PCM1: variants seen among roughly 807,000 people sequenced by gnomAD.
PCM1 encodes the protein pericentriolar material 1.
In PCM1, 157 loss-of-function variants were observed where a neutral mutation model predicts 241.9. The ratio of observed to expected loss-of-function variants is 0.65; its 90% CI spans 0.57 to 0.74. The LOEUF (loss-of-function observed/expected upper bound fraction) is 0.74. Ranked by LOEUF, PCM1 falls within the 30% of genes least tolerant of loss-of-function variation. The pLI is 0.00. For missense variants in PCM1, 3,478 were observed against 2,360.1 expected, an observed-to-expected ratio of 1.47 and a Z score of -9.81; for synonymous variants, 1,085 against 784.9, an observed-to-expected ratio of 1.38 and a Z score of -6.39.
At chr8:18,022,965 C>T (rs752966236) in intron 36 of PCM1, among the ~76,000 whole-genome samples, 1 of 152,108 alleles carries the variant, frequency 6.6e-6, no homozygotes, top group South Asian at 2.1e-4. Flanking sequence ...GGCGATGGTA[C>T]CCATGTGTAA....
Position 17,991,671 on chromosome 8 carries a change from G to T in PCM1, c.4661G>T (p.Gly1554Val). 1 of 1,558,036 alleles carries T rather than the reference G, an allele frequency of 6.4e-7. No individual in the cohort carries two copies. Among genetic ancestry groups the T allele is most frequent in the South Asian group, 1.2e-5 (1 of 84,412 alleles). ...ATTATTGAGGATGGAGATGGTGCTG[G>T]TGCAGGTACTACAGTTAATAATTTA... Reference protein sequence around the residue: ...CRIIEDGDGAGAGTTVNNLEE... With the variant: ...CRIIEDGDGAVAGTTVNNLEE... Residue 1554 changes from glycine (G) to valine (V), a missense_variant, in exon 28 of 39, where the codon GGT becomes GTT. Gly to Val is a moderately radical substitution (Grantham distance 109, BLOSUM62 -3). Coordinates refer to ENST00000325083, the MANE Select transcript of PCM1 (RefSeq NM_006197.4).
At chr8:17,939,629 A>T in intron 5 of PCM1, 62 bp from the exon 6 acceptor site, 1 of 872,400 alleles carries the variant, frequency 1.1e-6, no homozygotes, top group African/African-American at 1.7e-5. Flanking sequence ...TGAACTAATT[A>T]TCCTTAGTTT....
intron 15 of PCM1, 109 bp from the exon 16 acceptor site, chr8:17,961,925 G>T: frequency 3.6e-6 from 3 of 822,718 alleles, no homozygotes; most frequent in Non-Finnish European, 5.5e-6. Context: ...TCTGATAGCA[G>T]ATTAAATATG....
chr8:18,010,764 C>T lies in PCM1; in HGVS notation c.5220+96C>T, dbSNP rs1270419114. ...TTGGGAGGCCAAGGCGGGTGGATCA[C>T]GAGGTCAAGATTTCCAGACCAGCCT... On this transcript the variant is annotated intron_variant, in intron 32 of 38. Coordinates refer to ENST00000325083, the MANE Select transcript of PCM1 (RefSeq NM_006197.4). 16 of 774,178 alleles carry T rather than the reference C, an allele frequency of 2.1e-5. No homozygotes were observed. The East Asian group carries it at 2.4e-4, about 12-fold the overall frequency. 48.0% of individuals were successfully genotyped at this position (774,178 alleles called of 1,614,324 possible). A position where few individuals can be genotyped will look rare whatever the true frequency, so the allele number is the denominator to read the frequency against.
chr8:17,936,223 T>C (rs538649297), intron 3 of PCM1, among the ~76,000 whole-genome samples: 177 of 152,326 alleles, frequency 1.2e-3, no homozygotes, highest in African/African-American at 3.5e-3. Flanking sequence ...GGATTAGATA[T>C]GTGTTTCTTT....
intron 23 of PCM1, 74 bp from the exon 24 acceptor site, chr8:17,980,517 C>T (rs539405530): frequency 1.8e-5 from 23 of 1,271,592 alleles, no homozygotes; most frequent in East Asian, 9.4e-5. Context: ...TGTACTGTTA[C>T]ACAATGGAAA....
chr8:18,012,223 C>T (rs2092620510), intron 34 of PCM1, among the ~76,000 whole-genome samples: 1 of 152,132 alleles, frequency 6.6e-6, no homozygotes, highest in South Asian at 2.1e-4. Flanking sequence ...CACACCGGCC[C>T]TCTCCTTCCT....
chr8:17,995,185 T>C (rs1463590009), intron 29 of PCM1, among the ~76,000 whole-genome samples: 1 of 151,486 alleles, frequency 6.6e-6, no homozygotes, highest in African/African-American at 2.5e-5. Context: ...CTTTAATCCA[T>C]TTTGATTTGA....
Position 17,966,041 on chromosome 8 carries a change from T to G in PCM1, c.2898T>G (p.Arg966=), listed in dbSNP as rs1263816659. ...NCPFSADENY[R]PLAKTRQQNI... is the part of the protein sequence containing the mutation. The stretch of plus-strand genomic sequence containing the variant: ...CTTTTTCGGCAGATGAAAATTATCG[T>G]CCTTTAGCCAAGACAAGGCAACAGA... The change falls in exon 19 of 39, where the codon CGT becomes CGG. Residue 966 remains arginine (R), a synonymous_variant. Coordinates refer to ENST00000325083, the MANE Select transcript of PCM1 (RefSeq NM_006197.4). 6.2e-7 allele frequency: 1 copy of G among 1,612,262 alleles called. No individual in the cohort carries two copies. The highest frequency in any genetic ancestry group is 1.3e-5 in the African/African-American group (1 of 74,886).
intron 36 of PCM1, among the ~76,000 whole-genome samples, chr8:18,018,815 A>T (rs888743318): frequency 1.4e-5 from 2 of 145,736 alleles, no homozygotes; most frequent in Admixed American, 6.9e-5. Flanking sequence ...GTCTCAAAAA[A>T]AAAAAAATAT....
At chr8:17,945,713 A>T (rs2063541021) in intron 6 of PCM1, among the ~76,000 whole-genome samples, 1 of 152,144 alleles carries the variant, frequency 6.6e-6, no homozygotes, top group Non-Finnish European at 1.5e-5. Flanking sequence ...CCCAGAAGGG[A>T]GTTTCTCTTG....
chr8:18,014,111 A>AAG (rs149815514), intron 35 of PCM1, 75 bp downstream of exon 35: 847 of 770,992 alleles, frequency 1.1e-3, no homozygotes, highest in East Asian at 3.7e-3. Context: ...AAAAAAAAAA[A>AAG]CACACACAGA....
chr8:17,943,715 TTTC>T (rs564665322), intron 6 of PCM1, among the ~76,000 whole-genome samples: 8 of 152,204 alleles, frequency 5.3e-5, no homozygotes, highest in Non-Finnish European at 1.2e-4. Flanking sequence ...AACATTTTAA[TTTC>T]TTCAGGGGAA....
In PCM1 at chr8:18,009,683, T is replaced by TTA. The variant is rs2092150205; in HGVS notation, c.5100_5101dup (p.Lys1701IlefsTer9). 6.5e-7 allele frequency: 1 copy of TTA among 1,539,342 alleles called. No homozygotes were observed. Among genetic ancestry groups the TTA allele is most frequent in the African/African-American group, 1.4e-5 (1 of 72,366 alleles). Reference sequence around the variant, plus strand: ...GATTTGGATAATAATAGTATAACTGTTAAACAGAGATGCAAAAGGAAAATA... The same window carrying TTA: ...GATTTGGATAATAATAGTATAACTGTTATAAACAGAGATGCAAAAGGAAAATA... On this transcript the variant is annotated frameshift_variant, in exon 31 of 39. Transcript: ENST00000325083. LOFTEE classifies it high-confidence loss of function.
chr8:17,955,351 C>A (rs921437524), intron 9 of PCM1, 119 bp from the exon 10 acceptor site: 7 of 637,488 alleles, frequency 1.1e-5, no homozygotes, highest in Non-Finnish European at 1.8e-5. Context: ...AAATTTAAAT[C>A]TGCAGAAATT....
chr8:17,931,256 G>A (rs756308788), intron 2 of PCM1, among the ~76,000 whole-genome samples: 5 of 152,034 alleles, frequency 3.3e-5, no homozygotes, highest in Non-Finnish European at 5.9e-5. Flanking sequence ...ATTGTGATAG[G>A]GAAATAGAAT....
At chr8:17,971,871 G>A (rs930548441) in intron 22 of PCM1, among the ~76,000 whole-genome samples, 8 of 152,000 alleles carry the variant, frequency 5.3e-5, no homozygotes, top group Admixed American at 5.2e-4. Context: ...AGCCCCCTGA[G>A]TGTCTAGGAC....
chr8:17,935,847 T>C (rs558411916), intron 3 of PCM1, 141 bp downstream of exon 3: 2 of 481,062 alleles, frequency 4.2e-6, no homozygotes, highest in South Asian at 4.8e-5. Flanking sequence ...CCGTTTATTA[T>C]ATTAATTGAA....
Position 17,957,705 on chromosome 8 carries a change from A to G in PCM1, c.1970A>G (p.Gln657Arg). 1 of 1,613,396 alleles carries G rather than the reference A, an allele frequency of 6.2e-7. No individual in the cohort carries two copies. Among genetic ancestry groups the G allele is most frequent in the Non-Finnish European group, 8.5e-7 (1 of 1,179,644 alleles). ...CATCCAGAAGATGCTGAATTTGAAC[A>G]GAAGATCAACCGACTTATGGCTGCA... The part of the protein sequence containing the change: ...DEHPEDAEFE[Q>R]KINRLMAAKQ... Residue 657 changes from glutamine (Q) to arginine (R), a missense_variant, in exon 13 of 39, where the codon CAG becomes CGG. By Grantham distance (43) the Gln-to-Arg change is conservative. Coordinates refer to ENST00000325083, the MANE Select transcript of PCM1 (RefSeq NM_006197.4).
Sources: gnomAD v4.1 joint callset for allele counts (sites outside exome capture counted in the v4.1 genomes callset) on GRCh38, gnomAD v4.1.1 for gene constraint, MANE v1.5 for transcripts, NCBI Gene and HGNC (gene_info 2026-07-23, HGNC 2026-07-21) for gene names.